The following KCNMA1 variants were observed in gnomAD, a reference collection of about 807,000 sequenced individuals.
KCNMA1 encodes Calcium-activated potassium channel subunit alpha-1.
In KCNMA1, 29 loss-of-function variants were observed where a neutral mutation model predicts 140.0. The observed-to-expected ratio is 0.21, with a 90% CI of 0.15 to 0.28. The LOEUF is 0.28. Ranked by LOEUF, KCNMA1 falls within the 10% of genes least tolerant of loss-of-function variation. The pLI is 1.00. For missense variants in KCNMA1, 880 were observed against 1,602.2 expected (o/e 0.55, Z 7.70); for synonymous variants, 612 against 611.9 (o/e 1.00, Z 0.00).
At chr10:77,014,433 CAA>C (rs35030342) in intron 17 of KCNMA1, among the ~76,000 whole-genome samples, 4,505 of 87,850 alleles carry the variant, frequency 0.051, 218 homozygotes, top group East Asian at 0.25. Flanking sequence ...GACATTGTCT[CAA>C]AAAAAAAAAA....
intron 9 of KCNMA1, among the ~76,000 whole-genome samples, chr10:77,106,768 A>T (rs2097206264): frequency 6.6e-6 from 1 of 152,178 alleles, no homozygotes; most frequent in South Asian, 2.1e-4. Flanking sequence ...TCCTCTTGGC[A>T]TGGGATACAT....
rs368746057 is a variant in KCNMA1 at position 77,042,513 on chromosome 10, G to A, written c.1750-2876C>T. On this transcript the variant is annotated intron_variant, in intron 14 of 27. Transcript: ENST00000286628. ...AGCCTTATGGGCAAATAGTATTCCT[G>A]AAGTAAAATAATTCAGCCTATTCTT... Among the ~76,000 whole-genome samples the A allele has an allele frequency of 1.8e-3, 269 of 152,284 alleles. 1 individual carries two copies. The highest frequency in any genetic ancestry group is 6.2e-3 in the African/African-American group (256 of 41,564).
chr10:77,152,672 C>T (rs968806259), intron 5 of KCNMA1, among the ~76,000 whole-genome samples: 5 of 152,126 alleles, frequency 3.3e-5, no homozygotes, highest in Non-Finnish European at 5.9e-5. Context: ...CTAGCACTTA[C>T]GACCTGTAGA....
chr10:77,255,293 C>T (rs2154258161), intron 2 of KCNMA1, among the ~76,000 whole-genome samples: 1 of 152,050 alleles, frequency 6.6e-6, no homozygotes, highest in Middle Eastern at 3.4e-3. Flanking sequence ...CAGGAACACA[C>T]ATACACGGTG....
At chr10:76,891,816 T>G in intron 25 of KCNMA1, 97 bp from the exon 26 acceptor site, 3 of 974,510 alleles carry the variant, frequency 3.1e-6, no homozygotes, top group Non-Finnish European at 3.2e-6. Flanking sequence ...TGGTATCTCC[T>G]GTTTAAAGTT....
chr10:77,577,930 TC>T (rs2074722165), intron 1 of KCNMA1, among the ~76,000 whole-genome samples: 1 of 152,204 alleles, frequency 6.6e-6, no homozygotes, highest in Non-Finnish European at 1.5e-5. Flanking sequence ...TTGATAAACA[TC>T]CAGTAAGGAC....
intron 5 of KCNMA1, among the ~76,000 whole-genome samples, chr10:77,132,578 G>T (rs960742932): frequency 2.0e-5 from 3 of 147,810 alleles, no homozygotes; most frequent in Non-Finnish European, 4.4e-5. Context: ...AGGCTGGAGT[G>T]CAGTGGCGCG....
chr10:76,930,015 C>T (rs1377622209), intron 23 of KCNMA1: 1 of 152,082 alleles, frequency 6.6e-6, no homozygotes, highest in Non-Finnish European at 1.5e-5. Flanking sequence ...AAATCTGAAA[C>T]CGTAAAACTC....
intron 14 of KCNMA1, among the ~76,000 whole-genome samples, chr10:77,072,273 C>T (rs1010734618): frequency 1.3e-5 from 2 of 152,212 alleles, no homozygotes; most frequent in Admixed American, 1.3e-4. Context: ...GGTTTGTCAC[C>T]TTGACTGCCT....
At chr10:77,490,430 T>C (rs758994997) in intron 1 of KCNMA1, among the ~76,000 whole-genome samples, 26 of 152,172 alleles carry the variant, frequency 1.7e-4, no homozygotes, top group Non-Finnish European at 3.2e-4. Flanking sequence ...CAGACAGCAA[T>C]GACTTAATAA....
At chr10:77,104,586 T>C (rs1296743641) in intron 9 of KCNMA1, among the ~76,000 whole-genome samples, 2 of 152,192 alleles carry the variant, frequency 1.3e-5, no homozygotes, top group Admixed American at 1.3e-4. Flanking sequence ...GGCCTAGGAT[T>C]GCCTCAAACT....
At chr10:77,554,597 C>CAAAAAAAAAAAAAA (rs59754706) in intron 1 of KCNMA1, among the ~76,000 whole-genome samples, 9 of 84,084 alleles carry the variant, frequency 1.1e-4, no homozygotes, top group East Asian at 3.3e-4. Flanking sequence ...TACTCCATCT[C>CAAAAAAAAAAAAAA]AAAAAAAAAA....
intron 3 of KCNMA1, among the ~76,000 whole-genome samples, chr10:77,198,235 C>T (rs772313328): frequency 2.6e-5 from 4 of 152,150 alleles, no homozygotes; most frequent in Non-Finnish European, 4.4e-5. Context: ...AAATAAGAGA[C>T]AGTTAAGTGC....
At chr10:77,411,898 C>T (rs889737033) in intron 1 of KCNMA1, among the ~76,000 whole-genome samples, 1 of 152,236 alleles carries the variant, frequency 6.6e-6, no homozygotes, top group East Asian at 1.9e-4. Context: ...CTAAGAACCA[C>T]GGTTCTCTAT....
At chr10:77,048,988 T>C (rs2095246634) in intron 14 of KCNMA1, among the ~76,000 whole-genome samples, 2 of 152,094 alleles carry the variant, frequency 1.3e-5, no homozygotes, top group Admixed American at 1.3e-4. Flanking sequence ...ATGGTCTCGA[T>C]CTCCTGACCT....
chr10:77,099,769 T>C (rs1232168273), intron 9 of KCNMA1, among the ~76,000 whole-genome samples: 1 of 151,276 alleles, frequency 6.6e-6, no homozygotes, highest in Non-Finnish European at 1.5e-5. Flanking sequence ...ATACGAGGCA[T>C]GACAGGCCAC....
chr10:77,016,304 T>C (rs1002827626), intron 17 of KCNMA1, among the ~76,000 whole-genome samples: 9 of 152,134 alleles, frequency 5.9e-5, no homozygotes, highest in African/African-American at 2.2e-4. Flanking sequence ...CATTAATTCT[T>C]TTACCACTAA....
chr10:77,526,918 T>TA (rs2055945214), intron 1 of KCNMA1, among the ~76,000 whole-genome samples: 4 of 152,202 alleles, frequency 2.6e-5, no homozygotes, highest in African/African-American at 7.2e-5. Flanking sequence ...GAAACAATAA[T>TA]TAAGTCAATG....
intron 2 of KCNMA1, among the ~76,000 whole-genome samples, chr10:77,324,107 A>G (rs189436624): frequency 6.6e-6 from 1 of 152,306 alleles, no homozygotes; most frequent in East Asian, 1.9e-4. Context: ...TCTCCAGAAC[A>G]TCTGGCTTCA....
Sources: allele counts gnomAD v4.1 joint callset (sites outside exome capture counted in the v4.1 genomes callset), GRCh38; gene constraint gnomAD v4.1.1; transcripts MANE v1.5; gene names NCBI Gene and HGNC (gene_info 2026-07-23, HGNC 2026-07-21).